The following PRRC2B variants were observed in gnomAD, a reference collection of about 807,000 sequenced individuals.
PRRC2B encodes the protein protein PRRC2B.
PRRC2B carries 68 observed loss-of-function variants against 242.3 expected under a neutral mutation model. The observed-to-expected ratio is 0.28, with a 90% CI of 0.23 to 0.34. The LOEUF is 0.34. PRRC2B is among the 10% of genes least tolerant of loss of function. The pLI, the probability that PRRC2B is intolerant of heterozygous loss-of-function variation, is 1.00. For missense variants in PRRC2B, 2,835 were observed against 2,954.8 expected (o/e 0.96, Z 0.94); for synonymous variants, 1,228 against 1,173.6 (o/e 1.05, Z -0.95).
intron 1 of PRRC2B, among the ~76,000 whole-genome samples, chr9:131,420,453 T>TTCTTTCTTTCTTTC (rs1554758580): frequency 5.1e-4 from 31 of 61,054 alleles, no homozygotes; most frequent in South Asian, 8.5e-4. Flanking sequence ...TTCTTTTTCT[T>TTCTTTCTTTCTTTC]TTTCTTTCTT....
intron 1 of PRRC2B, among the ~76,000 whole-genome samples, chr9:131,384,081 C>CT (rs1264403902): frequency 1.1e-4 from 13 of 119,494 alleles, no homozygotes; most frequent in African/African-American, 3.9e-4. Flanking sequence ...CCATACCCGG[C>CT]TATTTTTTTT....
intron 1 of PRRC2B, among the ~76,000 whole-genome samples, chr9:131,401,025 G>C (rs145942521): frequency 6.6e-6 from 1 of 150,380 alleles, no homozygotes; most frequent in South Asian, 2.1e-4. Flanking sequence ...GCAATGGCGC[G>C]ATCTTGGCTC....
intron 1 of PRRC2B, among the ~76,000 whole-genome samples, chr9:131,394,486 G>A (rs1836986312): frequency 6.8e-6 from 1 of 147,228 alleles, no homozygotes; most frequent in Non-Finnish European, 1.5e-5. Flanking sequence ...CGGCGGGCCC[G>A]GGCGCGCTCG....
intron 9 of PRRC2B, chr9:131,448,145 C>T (rs1023148862): frequency 1.8e-4 from 35 of 196,288 alleles, no homozygotes; most frequent in African/African-American, 7.6e-4. Context: ...TTCTGCCATT[C>T]GGTTTTTGTT....
At chr9:131,424,660 C>T (rs887469312) in intron 1 of PRRC2B, among the ~76,000 whole-genome samples, 14 of 151,816 alleles carry the variant, frequency 9.2e-5, no homozygotes, top group East Asian at 1.9e-4. Flanking sequence ...CACTCCAGCC[C>T]GGGCGACAGT....
In PRRC2B at chr9:131,470,838, C is replaced by T. The variant is rs1324920036; in HGVS notation, c.1962C>T (p.Ser654=). The change falls in exon 14 of 32, where the codon TCC becomes TCT. Residue 654 remains serine, a synonymous_variant. Coordinates refer to ENST00000683519, the MANE Select transcript of PRRC2B (RefSeq NM_013318.4). Reference sequence around the variant, plus strand: ...GGCAGCCGGTGTACCCCCCGCCGTCCCACCCCCAGCGCACCTTTTACCCAC... The same window carrying T: ...GGCAGCCGGTGTACCCCCCGCCGTCTCACCCCCAGCGCACCTTTTACCCAC... The part of the protein sequence containing the change: ...QHWQPVYPPP[S]HPQRTFYPHH... The T allele has an allele frequency of 6.2e-7, 1 of 1,611,818 alleles. No individual in the cohort carries two copies. The highest frequency in any genetic ancestry group is 1.3e-5 in the African/African-American group (1 of 74,880).
intron 1 of PRRC2B, among the ~76,000 whole-genome samples, chr9:131,416,946 T>G (rs895273048): frequency 6.6e-6 from 1 of 152,214 alleles, no homozygotes; most frequent in Admixed American, 6.5e-5. Flanking sequence ...ATAATACATA[T>G]TTTTAATCTT....
In PRRC2B at chr9:131,489,863, A is replaced by G. The variant is rs527965290; in HGVS notation, c.6226-1562A>G. Among the ~76,000 whole-genome samples, 2 of 150,290 alleles carry G rather than the reference A, an allele frequency of 1.3e-5. 1 individual carries two copies. Among genetic ancestry groups the G allele is most frequent in the Non-Finnish European group, 3.0e-5 (2 of 67,544 alleles). On this transcript the variant is annotated intron_variant, in intron 28 of 31. Coordinates refer to ENST00000683519, the MANE Select transcript of PRRC2B (RefSeq NM_013318.4). ...GTAATCCCGCCCCCCACACCCCTCG[A>G]ACCACTTTCTTCACCCAGTTTCCAG...
Position 131,491,472 on chromosome 9 carries a change from C to G in PRRC2B, c.6273C>G (p.Ile2091Met). The G allele has an allele frequency of 6.2e-7, 1 of 1,612,076 alleles. No individual in the cohort carries two copies. The highest frequency in any genetic ancestry group is 8.5e-7 in the Non-Finnish European group (1 of 1,179,382). Residue 2091 changes from isoleucine (I) to methionine (M), a missense_variant, in exon 29 of 32, where the codon ATC (isoleucine) becomes ATG (methionine). Around this residue, in one of 7 missense-constraint regions of PRRC2B, gnomAD observed 574 missense variants for 626.0 expected, o/e 0.92. Transcript: ENST00000683519. ...PRYGSGQQPL[I>M]LPQSIQLPPG... ...ACGGCTCCGGGCAGCAGCCACTGAT[C>G]CTGCCCCAGTCTATTCAGCTGCCAC...
intron 1 of PRRC2B, among the ~76,000 whole-genome samples, chr9:131,420,482 TTTC>T (rs1315665818): frequency 6.6e-5 from 1 of 15,216 alleles, no homozygotes; most frequent in African/African-American, 1.5e-4. Flanking sequence ...TCTTTCTTTC[TTTC>T]TTTCTTTCTT....
At chr9:131,425,460 A>G (rs906491957) in intron 1 of PRRC2B, among the ~76,000 whole-genome samples, 4 of 152,042 alleles carry the variant, frequency 2.6e-5, no homozygotes, top group South Asian at 2.1e-4. Flanking sequence ...GGCCAGGGCA[A>G]ACAGCTTTTA....
Position 131,464,765 on chromosome 9 carries a change from G to T in PRRC2B, c.1407G>T (p.Lys469Asn), listed in dbSNP as rs778697678. 8.8e-6 allele frequency: 14 copies of T among 1,583,910 alleles called. No individual in the cohort carries two copies. The highest frequency in any genetic ancestry group is 1.2e-5 in the Non-Finnish European group (14 of 1,161,938). Reference protein sequence around the residue: ...HGWAPGPDYQKSSMGSMFRQQ... With the variant: ...HGWAPGPDYQNSSMGSMFRQQ... ...TCTCAGAGACATTCTCTTGGCAGAA[G>T]TCATCAATGGGCAGCATGTTCCGGC... is the stretch of plus-strand genomic sequence containing the variant. The change falls in exon 12 of 32, where the codon AAG (lysine) becomes AAT (asparagine). Residue 469 changes from lysine (K) to asparagine (N), a missense_variant and splice_region_variant. By Grantham distance (94) the Lys-to-Asn change is moderately conservative. Around this residue, in one of 7 missense-constraint regions of PRRC2B, gnomAD observed 626 missense variants for 685.5 expected, o/e 0.91. Transcript: ENST00000683519.
Position 131,475,932 on chromosome 9 carries a change from G to C in PRRC2B, c.3803G>C (p.Gly1268Ala). 1 of 1,613,936 alleles carries C rather than the reference G, an allele frequency of 6.2e-7. No individual in the cohort carries two copies. Among genetic ancestry groups the C allele is most frequent in the Middle Eastern group, 1.6e-4 (1 of 6,062 alleles). ...TACAGACACCCTGACGCATTTGGTG[G>C]CCGGGGCTTTGAGGACAGCCGCGCG... Reference protein sequence around the residue: ...DSYRHPDAFGGRGFEDSRAED... With the variant: ...DSYRHPDAFGARGFEDSRAED... The change falls in exon 16 of 32, where the codon GGC becomes GCC. Residue 1268 changes from glycine to alanine, a missense_variant. Physicochemically the swap from Gly to Ala is moderately conservative, Grantham distance 60. This residue lies in a region of PRRC2B where 1,536 missense variants were observed against 1,483.1 expected (regional missense o/e 1.04). Coordinates refer to ENST00000683519, the MANE Select transcript of PRRC2B (RefSeq NM_013318.4).
At chr9:131,385,859 A>G (rs1409448497) in intron 1 of PRRC2B, among the ~76,000 whole-genome samples, 7 of 149,586 alleles carry the variant, frequency 4.7e-5, no homozygotes, top group Non-Finnish European at 8.9e-5. Context: ...ACGCCCGGCT[A>G]ATCTTTTGTA....
chr9:131,420,705 G>C (rs1253222105), intron 1 of PRRC2B, among the ~76,000 whole-genome samples: 3 of 151,374 alleles, frequency 2.0e-5, no homozygotes, highest in Admixed American at 6.6e-5. Context: ...GGCCAGGCTG[G>C]TTCCGAACTC....
intron 9 of PRRC2B, among the ~76,000 whole-genome samples, chr9:131,451,419 T>C (rs1298900725): frequency 2.0e-5 from 3 of 151,846 alleles, no homozygotes; most frequent in African/African-American, 7.3e-5. Context: ...GAAAATACAG[T>C]TGATTTTTTT....
At chr9:131,388,880 G>T (rs181608558) in intron 1 of PRRC2B, among the ~76,000 whole-genome samples, 1,118 of 98,062 alleles carry the variant, frequency 0.011, 32 homozygotes, top group African/African-American at 0.043. Context: ...TCGCTCCGTT[G>T]CCCAGGCTGG....
At chr9:131,381,295 T>C (rs1836756318) in intron 1 of PRRC2B, among the ~76,000 whole-genome samples, 1 of 152,122 alleles carries the variant, frequency 6.6e-6, no homozygotes, top group Non-Finnish European at 1.5e-5. Flanking sequence ...GCCATTCCTG[T>C]TCTTTATTTG....
chr9:131,411,050 G>T (rs1837494006), intron 1 of PRRC2B, among the ~76,000 whole-genome samples: 1 of 152,110 alleles, frequency 6.6e-6, no homozygotes, highest in African/African-American at 2.4e-5. Flanking sequence ...AAGATCAAGA[G>T]TTGGAGACCA....
Sources: allele counts gnomAD v4.1 joint callset (sites outside exome capture counted in the v4.1 genomes callset), GRCh38; gene constraint gnomAD v4.1.1; regional missense constraint gnomAD v4.1.1; transcripts MANE v1.5; gene names NCBI Gene and HGNC (gene_info 2026-07-23, HGNC 2026-07-21).